CLASP2: variants seen among roughly 807,000 people sequenced by gnomAD.
The protein encoded by CLASP2 is CLIP-associating protein 2.
In CLASP2, 47 loss-of-function variants were observed where a neutral mutation model predicts 194.4. The observed-to-expected ratio is 0.24, with a 90% CI of 0.19 to 0.31. The LOEUF is 0.31. Ranked by LOEUF, CLASP2 falls within the 10% of genes least tolerant of loss-of-function variation. CLASP2 has a pLI of 1.00. For missense variants in CLASP2, 1,445 were observed against 1,823.6 expected, an observed-to-expected ratio of 0.79 and a Z score of 3.78; for synonymous variants, 619 against 633.5, an observed-to-expected ratio of 0.98 and a Z score of 0.34.
At chr3:33,618,957 T>C (rs552140476) in intron 12 of CLASP2, among the ~76,000 whole-genome samples, 2 of 152,290 alleles carry the variant, frequency 1.3e-5, no homozygotes, top group South Asian at 2.1e-4. Flanking sequence ...ATGAACATCA[T>C]AGAGTGTACT....
chr3:33,658,852 G>T, intron 7 of CLASP2: 1 of 854,638 alleles, frequency 1.2e-6, no homozygotes, highest in Non-Finnish European at 1.8e-6. Flanking sequence ...GTACACACAT[G>T]CATAAACACA....
chr3:33,636,063 AG>A (rs1394247786), intron 8 of CLASP2, among the ~76,000 whole-genome samples: 6 of 152,218 alleles, frequency 3.9e-5, no homozygotes, highest in Non-Finnish European at 8.8e-5. Flanking sequence ...CTCTAGGACA[AG>A]AAGTAAATAG....
chr3:33,639,922 G>A (rs780061254), intron 8 of CLASP2, among the ~76,000 whole-genome samples: 4 of 152,278 alleles, frequency 2.6e-5, no homozygotes, highest in South Asian at 2.1e-4. Context: ...CTGAGTTCTC[G>A]TCTCATCTCA....
intron 32 of CLASP2, 106 bp downstream of exon 32, chr3:33,543,327 C>T: frequency 1.4e-6 from 1 of 726,140 alleles, no homozygotes; most frequent in Non-Finnish European, 2.4e-6. Context: ...GAGTTGAGAT[C>T]ACACCACCAC....
chr3:33,496,850 T>C lies in CLASP2; in HGVS notation c.*1781A>G, dbSNP rs2045853801. 1 of 152,386 alleles carries C rather than the reference T, an allele frequency of 6.6e-6. No individual in the cohort carries two copies. The highest frequency in any genetic ancestry group is 2.4e-5 in the African/African-American group (1 of 41,472). The allele number at this position is 152,386 out of a possible 1,614,324, so 9.4% of individuals were successfully genotyped here. On this transcript the variant is annotated 3_prime_UTR_variant, in exon 39 of 39. Transcript: ENST00000682230. ...GTATGTAGCTATATACCTTTGATTG[T>C]GGTAGCTACACCTGAAAAATCTTTT...
At chr3:33,614,176 G>C (rs905240561) in intron 12 of CLASP2, among the ~76,000 whole-genome samples, 1 of 152,108 alleles carries the variant, frequency 6.6e-6, no homozygotes, top group Non-Finnish European at 1.5e-5. Context: ...TGAGATGATA[G>C]GCTAGTATAA....
chr3:33,680,906 C>T (rs921316160), intron 6 of CLASP2, among the ~76,000 whole-genome samples: 7 of 152,060 alleles, frequency 4.6e-5, no homozygotes, highest in Non-Finnish European at 2.9e-5. Context: ...GCAGGCGGAT[C>T]ACGAGGTCAG....
At chr3:33,569,518 T>C (rs2063366683) in intron 26 of CLASP2, among the ~76,000 whole-genome samples, 1 of 152,214 alleles carries the variant, frequency 6.6e-6, no homozygotes, top group African/African-American at 2.4e-5. Context: ...CAACAGTTAA[T>C]CTGTTCAGGA....
chr3:33,552,086 G>A (rs919443854), intron 29 of CLASP2, among the ~76,000 whole-genome samples: 5 of 151,038 alleles, frequency 3.3e-5, no homozygotes, highest in East Asian at 1.9e-4. Context: ...CAACACTTAC[G>A]TGGATAAAAA....
intron 6 of CLASP2, among the ~76,000 whole-genome samples, chr3:33,670,476 G>C (rs1200390720): frequency 6.6e-6 from 1 of 152,134 alleles, no homozygotes; most frequent in Non-Finnish European, 1.5e-5. Context: ...ATTTCCATAT[G>C]TAAGAAGCTT....
At chr3:33,596,395 A>C (rs1171417072) in intron 19 of CLASP2, among the ~76,000 whole-genome samples, 1 of 152,146 alleles carries the variant, frequency 6.6e-6, no homozygotes, top group Non-Finnish European at 1.5e-5. Flanking sequence ...CATTCTTCTG[A>C]ATCCAATATT....
chr3:33,715,426 A>C lies in CLASP2; in HGVS notation c.195+2382T>G, dbSNP rs192043734. ...TTTTTTCTCCAAACCACTTATCACC[A>C]TCTAACACACTATACATTTTATTTA... is the stretch of plus-strand genomic sequence containing the variant. On this transcript the variant is annotated intron_variant, in intron 1 of 38. Transcript: ENST00000682230. 5.9e-5 allele frequency among the ~76,000 whole-genome samples: 9 copies of C among 152,190 alleles called. No individual in the cohort carries two copies. In the East Asian group the frequency reaches 1.3e-3, roughly 23 times the overall value.
At chr3:33,628,352 T>A (rs1559448530) in intron 9 of CLASP2, among the ~76,000 whole-genome samples, 1 of 152,076 alleles carries the variant, frequency 6.6e-6, no homozygotes, top group Non-Finnish European at 1.5e-5. Flanking sequence ...ACCCCTAATC[T>A]TATGATGCAT....
At chr3:33,601,115 C>T (rs188039667) in intron 18 of CLASP2, among the ~76,000 whole-genome samples, 10 of 151,996 alleles carry the variant, frequency 6.6e-5, no homozygotes, top group South Asian at 2.1e-4. Flanking sequence ...CTCGCCACCA[C>T]GCCCGGCTAG....
chr3:33,580,482 G>C (rs537219567), intron 23 of CLASP2, among the ~76,000 whole-genome samples: 1 of 152,196 alleles, frequency 6.6e-6, no homozygotes, highest in South Asian at 2.1e-4. Flanking sequence ...AGAATCGATT[G>C]AACCTGGAAG....
chr3:33,544,421 C>T (rs1247865216), intron 31 of CLASP2, among the ~76,000 whole-genome samples: 4 of 152,130 alleles, frequency 2.6e-5, no homozygotes, highest in Non-Finnish European at 5.9e-5. Context: ...AGCTGGTGCT[C>T]TCATCTATGT....
At chr3:33,506,354 G>A (rs1489750268) in intron 37 of CLASP2, among the ~76,000 whole-genome samples, 2 of 132,190 alleles carry the variant, frequency 1.5e-5, no homozygotes, top group African/African-American at 6.8e-5. Flanking sequence ...CTCCAGCCTG[G>A]GTGACAGAGT....
intron 6 of CLASP2, among the ~76,000 whole-genome samples, chr3:33,670,307 T>C (rs754584329): frequency 5.9e-5 from 9 of 152,200 alleles, no homozygotes; most frequent in Admixed American, 2.0e-4. Context: ...TTCTGGGATG[T>C]TGTAATGTTC....
intron 29 of CLASP2, among the ~76,000 whole-genome samples, chr3:33,556,218 T>C (rs1030934924): frequency 2.0e-5 from 3 of 152,222 alleles, no homozygotes; most frequent in East Asian, 1.9e-4. Context: ...TAAAATTTTA[T>C]ATAAACATCC....
Sources: gnomAD v4.1 joint callset for allele counts (sites outside exome capture counted in the v4.1 genomes callset) on GRCh38, gnomAD v4.1.1 for gene constraint, MANE v1.5 for transcripts, NCBI Gene and HGNC (gene_info 2026-07-23, HGNC 2026-07-21) for gene names.